DERA: variants seen among roughly 807,000 people sequenced by gnomAD.
DERA encodes the protein deoxyribose-phosphate aldolase, also known as 2-deoxy-D-ribose 5-phosphate aldolase.
In DERA, 15 loss-of-function variants were observed where a neutral mutation model predicts 41.1. That is an observed-to-expected ratio of 0.37 (90% CI 0.24 to 0.56). The LOEUF (loss-of-function observed/expected upper bound fraction) is 0.56. Among genes scored for constraint, DERA ranks in the 20% least tolerant of loss-of-function variants. The pLI is 0.81. For synonymous variants in DERA, 139 were observed against 137.4 expected (o/e 1.01, Z -0.08); for missense variants, 396 against 403.4 (o/e 0.98, Z 0.16).
rs1948826280 is a variant in DERA, at chr12:15,994,734, T to G, written c.637+12298T>G. ...TCCCAAAGTGCTGGGATTACAGGCG[T>G]GAGCCACCGCGCCTGGCCAGAAAAT... On this transcript the variant is annotated intron_variant, in intron 6 of 8. Coordinates refer to ENST00000428559, the MANE Select transcript of DERA (RefSeq NM_015954.4). The surrounding 1 kb of genome is among the most constrained non-coding windows in gnomAD (Gnocchi z 4.8). Among the ~76,000 whole-genome samples the G allele has an allele frequency of 6.6e-6, 1 of 152,202 alleles. No homozygotes were observed. Among genetic ancestry groups the G allele is most frequent in the Non-Finnish European group, 1.5e-5 (1 of 68,040 alleles).
chr12:15,960,403 C>T (rs532313351), intron 4 of DERA, among the ~76,000 whole-genome samples: 8 of 151,218 alleles, frequency 5.3e-5, no homozygotes, highest in South Asian at 2.1e-4. Flanking sequence ...TTTGGGAGGC[C>T]GAAGCAGGTG....
At chr12:16,028,668 A>G (rs1016955389) in intron 6 of DERA, among the ~76,000 whole-genome samples, 1 of 152,220 alleles carries the variant, frequency 6.6e-6, no homozygotes, top group Non-Finnish European at 1.5e-5. Flanking sequence ...GTGGTAAATC[A>G]TGGTGCTAGT....
In DERA at chr12:16,010,208, A is replaced by G. The variant is rs1331679499; in HGVS notation, c.638-22334A>G. 6.6e-6 allele frequency among the ~76,000 whole-genome samples: 1 copy of G among 152,168 alleles called. No homozygotes were observed. Among genetic ancestry groups the G allele is most frequent in the Non-Finnish European group, 1.5e-5 (1 of 68,022 alleles). On this transcript the variant is annotated intron_variant, in intron 6 of 8. Transcript: ENST00000428559. The surrounding 1 kb of genome is among the most constrained non-coding windows in gnomAD (Gnocchi z 5.5). Reference sequence around the variant, plus strand: ...AAACAAGTGTGTGGCATCCAGGGAGATCCTAGATGAGTTCTAGTTCATATG... The same window carrying G: ...AAACAAGTGTGTGGCATCCAGGGAGGTCCTAGATGAGTTCTAGTTCATATG...
chr12:15,949,070 A>G (rs1948474882), intron 1 of DERA, among the ~76,000 whole-genome samples: 1 of 152,200 alleles, frequency 6.6e-6, no homozygotes, highest in Non-Finnish European at 1.5e-5. Context: ...GCTTCGTCTC[A>G]GAGGGGTAAC....
chr12:15,960,225 CAT>C (rs1555152727), intron 4 of DERA, among the ~76,000 whole-genome samples: 7 of 149,960 alleles, frequency 4.7e-5, no homozygotes, highest in African/African-American at 4.9e-5. Context: ...CACACACACA[CAT>C]ATACATACTA....
rs961234623 is a variant in DERA at position 15,965,071 on chromosome 12, C to T, written c.508+2124C>T. Among the ~76,000 whole-genome samples, 2 of 152,078 alleles carry T rather than the reference C, an allele frequency of 1.3e-5. No homozygotes were observed. Among genetic ancestry groups the T allele is most frequent in the African/African-American group, 4.8e-5 (2 of 41,402 alleles). ...ACCTGAAATGACTTAGGACTTTTTG[C>T]TGCAATATTTTGTCTTAATTTTGAT... On this transcript the variant is annotated intron_variant, in intron 5 of 8. Coordinates refer to ENST00000428559, the MANE Select transcript of DERA (RefSeq NM_015954.4). This position sits in a 1 kb window ranked among gnomAD's most constrained non-coding sequence, Gnocchi z 4.1.
Position 15,996,977 on chromosome 12 carries a change from G to T in DERA, c.637+14541G>T, listed in dbSNP as rs947638843. Among the ~76,000 whole-genome samples the T allele has an allele frequency of 2.6e-5, 4 of 152,208 alleles. No homozygotes were observed. Among genetic ancestry groups the T allele is most frequent in the Non-Finnish European group, 5.9e-5 (4 of 68,020 alleles). On this transcript the variant is annotated intron_variant, in intron 6 of 8. Transcript: ENST00000428559. The surrounding 1 kb of genome is among the most constrained non-coding windows in gnomAD (Gnocchi z 4.7). The stretch of plus-strand genomic sequence containing the variant: ...GGCATTAGGAGATAAATTTGCTTAT[G>T]AGCAAGAGACAGATACTAACAGTAG...
At chr12:15,979,906 C>G (rs1210362609) in intron 5 of DERA, among the ~76,000 whole-genome samples, 1 of 151,958 alleles carries the variant, frequency 6.6e-6, no homozygotes, top group Non-Finnish European at 1.5e-5. Context: ...TTTTTTTGTT[C>G]ACAAATATGG....
intron 6 of DERA, among the ~76,000 whole-genome samples, chr12:16,029,894 C>T (rs1333839385): frequency 6.9e-6 from 1 of 144,268 alleles, no homozygotes. Flanking sequence ...GTTTTCAGAC[C>T]TCCAAATGTA....
chr12:15,960,576 G>T (rs1262907860), intron 4 of DERA, among the ~76,000 whole-genome samples: 1 of 137,076 alleles, frequency 7.3e-6, no homozygotes, highest in African/African-American at 2.8e-5. Context: ...GGCAGAGGTT[G>T]CAGTGAGCTG....
chr12:16,030,682 T>G (rs760909436), intron 6 of DERA, among the ~76,000 whole-genome samples: 23 of 152,334 alleles, frequency 1.5e-4, no homozygotes, highest in Non-Finnish European at 2.6e-4. Flanking sequence ...CTCTATCTCA[T>G]TACATTGTAT....
Position 15,924,327 on chromosome 12 carries a change from C to T in DERA, c.31+12913C>T, listed in dbSNP as rs906663201. On this transcript the variant is annotated intron_variant, in intron 1 of 8. Coordinates refer to ENST00000428559, the MANE Select transcript of DERA (RefSeq NM_015954.4). The surrounding 1 kb of genome is among the most constrained non-coding windows in gnomAD (Gnocchi z 5.0). ...GTCACAGCTACCTTGGAAACTGAGG[C>T]GGGACAAGGTTACAGTGATGATCAT... Among the ~76,000 whole-genome samples the T allele has an allele frequency of 3.3e-5, 5 of 152,000 alleles. No individual in the cohort carries two copies. Among genetic ancestry groups the T allele is most frequent in the Admixed American group, 6.6e-5 (1 of 15,260 alleles).
At chr12:16,018,306 T>C (rs998096670) in intron 6 of DERA, among the ~76,000 whole-genome samples, 3 of 152,222 alleles carry the variant, frequency 2.0e-5, no homozygotes, top group Non-Finnish European at 4.4e-5. Context: ...CTTTGCAGTC[T>C]CTGAGGTTCG....
At position 16,035,456 on chromosome 12, in the gene DERA, C is replaced by T. The variant is rs1949120937; in HGVS notation, c.751-776C>T. 6.6e-6 allele frequency among the ~76,000 whole-genome samples: 1 copy of T among 152,134 alleles called. No individual in the cohort carries two copies. The highest frequency in any genetic ancestry group is 6.5e-5 in the Admixed American group (1 of 15,268). On this transcript the variant is annotated intron_variant, in intron 7 of 8. Transcript: ENST00000428559. This position sits in a 1 kb window ranked among gnomAD's most constrained non-coding sequence, Gnocchi z 4.1. Reference sequence around the variant, plus strand: ...AGTCAGGTTCCTGAAACATGTAAATCCAGATAATCAGAGTTTTATTGTATA... The same window carrying T: ...AGTCAGGTTCCTGAAACATGTAAATTCAGATAATCAGAGTTTTATTGTATA...
chr12:15,957,681 T>A lies in DERA; in HGVS notation c.130-507T>A, dbSNP rs1450378865. Among the ~76,000 whole-genome samples, 1 of 152,142 alleles carries A rather than the reference T, an allele frequency of 6.6e-6. No homozygotes were observed. The highest frequency in any genetic ancestry group is 1.5e-5 in the Non-Finnish European group (1 of 68,002). On this transcript the variant is annotated intron_variant, in intron 2 of 8. Transcript: ENST00000428559. This position sits in a 1 kb window ranked among gnomAD's most constrained non-coding sequence, Gnocchi z 4.8. Reference sequence around the variant, plus strand: ...AAATATTCTGGTTGAAAAGGTAAAATAAAATTCATCAGACTGAGTTGTGAA... The same window carrying A: ...AAATATTCTGGTTGAAAAGGTAAAAAAAAATTCATCAGACTGAGTTGTGAA...
chr12:15,933,144 T>G (rs1948341375), intron 1 of DERA, among the ~76,000 whole-genome samples: 1 of 152,210 alleles, frequency 6.6e-6, no homozygotes, highest in African/African-American at 2.4e-5. Context: ...GAGCAGATGT[T>G]TCTTCAACAT....
chr12:16,032,375 A>G (rs573813790), intron 6 of DERA, among the ~76,000 whole-genome samples, 167 bp from the exon 7 acceptor site: 1 of 152,196 alleles, frequency 6.6e-6, no homozygotes, highest in South Asian at 2.1e-4. Flanking sequence ...AAGTATGGAC[A>G]TAATCATTTT....
At chr12:15,961,513 AAAT>A (rs904532180) in intron 4 of DERA, among the ~76,000 whole-genome samples, 3 of 152,164 alleles carry the variant, frequency 2.0e-5, no homozygotes, top group African/African-American at 7.2e-5. Flanking sequence ...CAAAAAAATA[AAAT>A]AAGTAAAAAT....
intron 1 of DERA, among the ~76,000 whole-genome samples, chr12:15,925,409 C>T (rs114074904): frequency 2.2e-3 from 333 of 151,872 alleles, no homozygotes; most frequent in African/African-American, 7.3e-3. Context: ...AAGACAATAA[C>T]TAGAACATAA....
Sources: gnomAD v4.1 joint callset for allele counts (sites outside exome capture counted in the v4.1 genomes callset) on GRCh38, gnomAD v4.1.1 for gene constraint, Gnocchi (gnomAD v3.1) non-coding constraint, MANE v1.5 for transcripts, NCBI Gene and HGNC (gene_info 2026-07-23, HGNC 2026-07-21) for gene names.